Variants in TGFB2 observed in about 807,000 individuals in gnomAD.
TGFB2 encodes the protein transforming growth factor beta-2 proprotein.
Under a neutral mutation model 42.7 loss-of-function variants are expected in TGFB2, and 13 were observed. The observed-to-expected ratio is 0.30, with a 90% confidence interval of 0.20 to 0.48. The LOEUF (loss-of-function observed/expected upper bound fraction) is 0.48, where lower values mean the gene tolerates loss of function less well. Ranked by LOEUF, TGFB2 falls within the 20% of genes least tolerant of loss-of-function variation. The pLI is 0.99. For missense variants in TGFB2, 390 were observed against 517.5 expected (o/e 0.75, Z 2.39); for synonymous variants, 193 against 193.6 (o/e 1.00, Z 0.03).
intron 5 of TGFB2, among the ~76,000 whole-genome samples, chr1:218,436,729 C>G (rs1243741993): frequency 6.6e-6 from 1 of 152,148 alleles, no homozygotes; most frequent in Non-Finnish European, 1.5e-5. Flanking sequence ...TTGAGAGGTA[C>G]AGGACAGGGA....
chr1:218,398,433 A>ATCAT (rs2102587298), intron 1 of TGFB2, among the ~76,000 whole-genome samples: 2 of 152,330 alleles, frequency 1.3e-5, no homozygotes, highest in East Asian at 3.9e-4. Flanking sequence ...AACCCTAGAC[A>ATCAT]TCATTGGGGG....
chr1:218,372,502 G>C (rs1207397424), intron 1 of TGFB2, among the ~76,000 whole-genome samples: 1 of 152,222 alleles, frequency 6.6e-6, no homozygotes, highest in African/African-American at 2.4e-5. Flanking sequence ...GACCAGGAAG[G>C]TAACTCCCTA....
At chr1:218,387,622 G>T (rs11118096) in intron 1 of TGFB2, among the ~76,000 whole-genome samples, 1 of 151,862 alleles carries the variant, frequency 6.6e-6, no homozygotes, top group South Asian at 2.1e-4. Context: ...CCCTATATGA[G>T]ATCTACAGAG....
At chr1:218,370,058 A>T (rs535171644) in intron 1 of TGFB2, among the ~76,000 whole-genome samples, 1 of 152,350 alleles carries the variant, frequency 6.6e-6, no homozygotes, top group East Asian at 1.9e-4. Context: ...AGAAAACTGC[A>T]TAGATCCTGT....
chr1:218,393,493 T>G (rs1558242359), intron 1 of TGFB2, among the ~76,000 whole-genome samples: 1 of 152,180 alleles, frequency 6.6e-6, no homozygotes, highest in Non-Finnish European at 1.5e-5. Flanking sequence ...TTTGAAGCCT[T>G]TACTGCATTC....
chr1:218,389,003 C>G (rs1309528394), intron 1 of TGFB2, among the ~76,000 whole-genome samples: 5 of 152,124 alleles, frequency 3.3e-5, no homozygotes, highest in Admixed American at 3.3e-4. Context: ...GGAGCCTATT[C>G]TTGAGCTCGA....
In TGFB2 at chr1:218,434,107, C is replaced by G. The variant is rs929597621; in HGVS notation, c.536C>G (p.Ser179Cys). 1.2e-6 allele frequency: 2 copies of G among 1,614,004 alleles called. No individual in the cohort carries two copies. The highest frequency in any genetic ancestry group is 1.7e-6 in the Non-Finnish European group (2 of 1,180,012). ...ATTCTCAAGTCCAAAGATTTAACAT[C>G]TCCAACCCAGCGCTACATCGACAGC... ...YQILKSKDLT[S>C]PTQRYIDSKV... is the part of the protein sequence containing the mutation. The change falls in exon 3 of 7, where the codon TCT (serine) becomes TGT (cysteine). Residue 179 changes from serine (S) to cysteine (C), a missense_variant. Coordinates refer to ENST00000366930, the MANE Select transcript of TGFB2 (RefSeq NM_003238.6).
chr1:218,375,689 CA>C, intron 1 of TGFB2, among the ~76,000 whole-genome samples: 1 of 151,716 alleles, frequency 6.6e-6, no homozygotes, highest in Non-Finnish European at 1.5e-5. Context: ...GCTTTTTTTT[CA>C]GTCTAGAAAA....
At chr1:218,385,456 G>C (rs1016234097) in intron 1 of TGFB2, among the ~76,000 whole-genome samples, 1 of 152,184 alleles carries the variant, frequency 6.6e-6, no homozygotes, top group Non-Finnish European at 1.5e-5. Flanking sequence ...AAAGTAACAC[G>C]ACTTCAGAGG....
chr1:218,372,885 A>T (rs1020736013), intron 1 of TGFB2, among the ~76,000 whole-genome samples: 1 of 140,214 alleles, frequency 7.1e-6, no homozygotes, highest in East Asian at 1.9e-4. Flanking sequence ...TTAGTTTTAG[A>T]AAGTTTCCCG....
intron 2 of TGFB2, among the ~76,000 whole-genome samples, chr1:218,412,783 C>T (rs1659143421): frequency 6.6e-6 from 1 of 152,138 alleles, no homozygotes; most frequent in Admixed American, 6.5e-5. Context: ...GGGAAGAGCT[C>T]TCTCCTAAGT....
chr1:218,427,308 A>T (rs1049529672), intron 2 of TGFB2, among the ~76,000 whole-genome samples: 2 of 151,622 alleles, frequency 1.3e-5, no homozygotes, highest in African/African-American at 4.8e-5. Flanking sequence ...TCTAACCTCT[A>T]TTCTGCTTCT....
chr1:218,430,684 C>G (rs1300645041), intron 2 of TGFB2, among the ~76,000 whole-genome samples: 1 of 152,112 alleles, frequency 6.6e-6, no homozygotes, highest in Non-Finnish European at 1.5e-5. Flanking sequence ...TGAGGTTGTG[C>G]CTATTCTTAG....
chr1:218,374,107 A>G (rs1657662263), intron 1 of TGFB2, among the ~76,000 whole-genome samples: 1 of 152,194 alleles, frequency 6.6e-6, no homozygotes, highest in South Asian at 2.1e-4. Context: ...TATAAACTCC[A>G]GTGTTTTCAT....
At chr1:218,416,931 C>T (rs1365453085) in intron 2 of TGFB2, among the ~76,000 whole-genome samples, 1 of 152,216 alleles carries the variant, frequency 6.6e-6, no homozygotes, top group Non-Finnish European at 1.5e-5. Context: ...ATGTGCCTTT[C>T]ACCTTCTGCC....
chr1:218,418,943 A>G (rs749040288), intron 2 of TGFB2, among the ~76,000 whole-genome samples: 23 of 152,186 alleles, frequency 1.5e-4, no homozygotes, highest in Non-Finnish European at 2.6e-4. Flanking sequence ...TTATTTTGTA[A>G]ATTGCTCAGT....
chr1:218,367,952 G>A (rs1166272880), intron 1 of TGFB2, among the ~76,000 whole-genome samples: 2 of 151,540 alleles, frequency 1.3e-5, no homozygotes, highest in African/African-American at 2.4e-5. Flanking sequence ...ACAGCCGCAC[G>A]CCGCCACTCC....
At chr1:218,412,236 A>T (rs1659125381) in intron 2 of TGFB2, among the ~76,000 whole-genome samples, 1 of 152,224 alleles carries the variant, frequency 6.6e-6, no homozygotes, top group Admixed American at 6.5e-5. Context: ...TTAGAGCAAA[A>T]GCTGGAGAAT....
At chr1:218,354,480 G>T (rs546013013) in intron 1 of TGFB2, among the ~76,000 whole-genome samples, 3 of 152,232 alleles carry the variant, frequency 2.0e-5, no homozygotes, top group Admixed American at 6.5e-5. Context: ...CTTTATTGAA[G>T]ACTTATAAAC....
Sources: gnomAD v4.1 joint callset for allele counts (sites outside exome capture counted in the v4.1 genomes callset) on GRCh38, gnomAD v4.1.1 for gene constraint, MANE v1.5 for transcripts, NCBI Gene and HGNC (gene_info 2026-07-23, HGNC 2026-07-21) for gene names.